Variants in PPIG observed in about 807,000 individuals in gnomAD.
PPIG encodes peptidyl-prolyl cis-trans isomerase G.
PPIG carries 26 observed loss-of-function variants against 87.9 expected under a neutral mutation model. That is an observed-to-expected ratio of 0.30 (90% CI 0.22 to 0.41). The LOEUF (loss-of-function observed/expected upper bound fraction) is 0.41, where lower values mean the gene tolerates loss of function less well. Among genes scored for constraint, PPIG ranks in the 10% least tolerant of loss-of-function variants. PPIG has a pLI of 1.00. For missense variants in PPIG, 722 were observed against 879.4 expected (o/e 0.82, Z 2.26); for synonymous variants, 308 against 276.5 (o/e 1.11, Z -1.13).
intron 9 of PPIG, among the ~76,000 whole-genome samples, chr2:169,616,085 G>A (rs1404898004): frequency 6.6e-6 from 1 of 152,176 alleles, no homozygotes; most frequent in Non-Finnish European, 1.5e-5. Flanking sequence ...ACTTTTGAGT[G>A]AGAACATGCA....
intron 9 of PPIG, among the ~76,000 whole-genome samples, chr2:169,622,799 A>G: frequency 6.6e-6 from 1 of 152,190 alleles, no homozygotes; most frequent in Non-Finnish European, 1.5e-5. Flanking sequence ...TCTTACATAT[A>G]AGCAGAGCTA....
At chr2:169,611,101 G>A (rs2592816) in intron 7 of PPIG, among the ~76,000 whole-genome samples, 61,389 of 151,948 alleles carry the variant, frequency 0.4, 13,034 homozygotes, top group East Asian at 0.59. Context: ...CCAGCCACTC[G>A]GGAGGCTGAG....
intron 9 of PPIG, among the ~76,000 whole-genome samples, chr2:169,616,882 T>C (rs1394347238): frequency 1.3e-5 from 2 of 152,228 alleles, no homozygotes; most frequent in Admixed American, 6.5e-5. Flanking sequence ...TTGGCTTTTG[T>C]TGCCATTGTT....
chr2:169,614,241 T>C (rs1038625894), intron 7 of PPIG, among the ~76,000 whole-genome samples: 23 of 152,338 alleles, frequency 1.5e-4, no homozygotes, highest in African/African-American at 2.9e-4. Flanking sequence ...TAAGTAGATA[T>C]TGCTTTTATA....
intron 7 of PPIG, among the ~76,000 whole-genome samples, chr2:169,612,168 A>G (rs2105497359): frequency 6.6e-6 from 1 of 152,060 alleles, no homozygotes; most frequent in African/African-American, 2.4e-5. Context: ...GTGTTGTACA[A>G]CCATCACCAC....
chr2:169,597,059 G>A (rs926766270), intron 1 of PPIG, among the ~76,000 whole-genome samples: 1 of 152,052 alleles, frequency 6.6e-6, no homozygotes, highest in Non-Finnish European at 1.5e-5. Flanking sequence ...CCAAATCTTG[G>A]ATATTGTAAA....
Position 169,639,327 on chromosome 2 carries a change from T to C in PPIG, c.*1804T>C, listed in dbSNP as rs1476612615. 1.3e-5 allele frequency: 2 copies of C among 152,118 alleles called. No homozygotes were observed. Among genetic ancestry groups the C allele is most frequent in the East Asian group, 1.9e-4 (1 of 5,196 alleles). 9.4% of individuals were successfully genotyped at this position (152,118 alleles called of 1,614,324 possible). A position where few individuals can be genotyped will look rare whatever the true frequency, so the allele number is the denominator to read the frequency against. ...AAGCAAGTTATTGTTTGTCTTAATT[T>C]CAGTTAACTGCATTTTAAAATTGTT... On this transcript the variant is annotated 3_prime_UTR_variant, in exon 14 of 14. Transcript: ENST00000260970.
chr2:169,640,835 CAA>C lies in PPIG; in HGVS notation c.*3314_*3315del, dbSNP rs1686295238. 1 of 152,086 alleles carries C rather than the reference CAA, an allele frequency of 6.6e-6. No individual in the cohort carries two copies. The highest frequency in any genetic ancestry group is 2.4e-5 in the African/African-American group (1 of 41,418). 9.4% of individuals were successfully genotyped at this position (152,086 alleles called of 1,614,324 possible). On this transcript the variant is annotated 3_prime_UTR_variant, in exon 14 of 14. Coordinates refer to ENST00000260970, the MANE Select transcript of PPIG (RefSeq NM_004792.3). ...TGCCTTCAGTGGATTCGGGCAAGTG[CAA>C]AGTCTTTGGCCTATTGTGTGACAAA...
At chr2:169,635,467 G>A (rs1239974704) in intron 12 of PPIG, among the ~76,000 whole-genome samples, 1 of 152,024 alleles carries the variant, frequency 6.6e-6, no homozygotes, top group Non-Finnish European at 1.5e-5. Flanking sequence ...TATTATAGCT[G>A]CATATATGTT....
chr2:169,592,307 T>C (rs867542545), intron 1 of PPIG, among the ~76,000 whole-genome samples: 5 of 133,514 alleles, frequency 3.7e-5, no homozygotes, highest in Non-Finnish European at 1.6e-5. Context: ...TTTTTTCTTT[T>C]TTTTTTTTTT....
At chr2:169,610,361 T>G (rs1389394743) in intron 7 of PPIG, among the ~76,000 whole-genome samples, 1 of 152,202 alleles carries the variant, frequency 6.6e-6, no homozygotes, top group Non-Finnish European at 1.5e-5. Flanking sequence ...AACACCAAGT[T>G]TAAAAGTGAC....
At position 169,636,326 on chromosome 2, in the gene PPIG, TAAGAA is replaced by T. The variant is rs1399832964; in HGVS notation, c.1155-83_1155-79del. 6 of 1,468,466 alleles carry T rather than the reference TAAGAA, an allele frequency of 4.1e-6. No individual in the cohort carries two copies. The East Asian group carries it at 1.2e-4, about 28-fold the overall frequency. The allele number at this position is 1,468,466 out of a possible 1,614,324, so 91.0% of individuals were successfully genotyped here. A position where few individuals can be genotyped will look rare whatever the true frequency, so the allele number is the denominator to read the frequency against. On this transcript the variant is annotated intron_variant, in intron 13 of 13. Coordinates refer to ENST00000260970, the MANE Select transcript of PPIG (RefSeq NM_004792.3). ...TCATTTTAGTTATTGCTGAATACCT[TAAGAA>T]AAGTAGAATATCATTTTAGCTAATA...
At position 169,637,499 on chromosome 2, in the gene PPIG, A is replaced by C. The variant is rs1173768809; in HGVS notation, c.2241A>C (p.Gly747=). ...NKKFDHESSP[G]TDEDKSG is the part of the protein sequence containing the mutation. Reference sequence around the variant, plus strand: ...AATTTGATCATGAATCAAGCCCTGGAACAGATGAAGACAAAAGCGGATGAG... The same window carrying C: ...AATTTGATCATGAATCAAGCCCTGGCACAGATGAAGACAAAAGCGGATGAG... The change falls in exon 14 of 14, where the codon GGA becomes GGC. Residue 747 remains glycine (G), a synonymous_variant. Coordinates refer to ENST00000260970, the MANE Select transcript of PPIG (RefSeq NM_004792.3). The C allele has an allele frequency of 1.9e-6, 3 of 1,591,322 alleles. No homozygotes were observed. In the African/African-American group the frequency reaches 4.1e-5, roughly 22 times the overall value.
intron 12 of PPIG, 65 bp downstream of exon 12, chr2:169,633,312 G>A: frequency 7.9e-7 from 1 of 1,261,736 alleles, no homozygotes; most frequent in Non-Finnish European, 1.1e-6. Context: ...TAATTTTAGG[G>A]TGTTTCTTAA....
intron 12 of PPIG, among the ~76,000 whole-genome samples, chr2:169,635,788 G>T (rs1206866187): frequency 1.3e-5 from 2 of 152,154 alleles, no homozygotes; most frequent in African/African-American, 4.8e-5. Context: ...AGCAGCTAAA[G>T]TTTTTGTGAT....
At chr2:169,615,719 T>G (rs548485262) in intron 9 of PPIG, among the ~76,000 whole-genome samples, 1 of 142,034 alleles carries the variant, frequency 7.0e-6, no homozygotes, top group East Asian at 1.9e-4. Flanking sequence ...ACAGGTTGAT[T>G]CAGTATCTTA....
At chr2:169,585,981 A>T (rs1237985753) in intron 1 of PPIG, among the ~76,000 whole-genome samples, 2 of 152,140 alleles carry the variant, frequency 1.3e-5, no homozygotes, top group Non-Finnish European at 2.9e-5. Context: ...AAATCGTGCT[A>T]TAAAATCCAG....
rs907046296 is a variant in PPIG, at chr2:169,608,924, A to G, written c.377+166A>G. On this transcript the variant is annotated intron_variant, in intron 7 of 13. Transcript: ENST00000260970. ...GGTGAAACCCCGTCTCTACTAAAAAATACAAAAAAATTAGCTGGGCATGGT... is the reference window on the plus strand; with the variant it reads ...GGTGAAACCCCGTCTCTACTAAAAAGTACAAAAAAATTAGCTGGGCATGGT... Among the ~76,000 whole-genome samples the G allele has an allele frequency of 2.6e-5, 4 of 151,980 alleles. No individual in the cohort carries two copies. The East Asian group carries it at 5.9e-4, about 22-fold the overall frequency.
Position 169,637,955 on chromosome 2 carries a change from G to A in PPIG, c.*432G>A, listed in dbSNP as rs532949890. 2.0e-5 allele frequency: 3 copies of A among 152,878 alleles called. No individual in the cohort carries two copies. The highest frequency in any genetic ancestry group is 7.2e-5 in the African/African-American group (3 of 41,586). 9.5% of individuals were successfully genotyped at this position (152,878 alleles called of 1,614,324 possible). ...AGATTTTCTGATTGCGTTATAAATA[G>A]AGGTTTGCAGCGGTTTCTTTTAATT... On this transcript the variant is annotated 3_prime_UTR_variant, in exon 14 of 14. Coordinates refer to ENST00000260970, the MANE Select transcript of PPIG (RefSeq NM_004792.3).
Sources: allele counts gnomAD v4.1 joint callset (sites outside exome capture counted in the v4.1 genomes callset), GRCh38; gene constraint gnomAD v4.1.1; transcripts MANE v1.5; gene names NCBI Gene and HGNC (gene_info 2026-07-23, HGNC 2026-07-21).